Variants in FBXO25 observed in about 807,000 individuals in gnomAD.
FBXO25 encodes the protein F-box only protein 25.
A neutral mutation model predicts 51.9 loss-of-function variants in FBXO25; 45 were observed. The ratio of observed to expected loss-of-function variants is 0.87; its 90% CI spans 0.68 to 1.11. FBXO25 has a LOEUF of 1.11. Among genes scored for constraint, FBXO25 ranks in the 50% most tolerant of loss-of-function variants. The pLI, the probability that FBXO25 is intolerant of heterozygous loss-of-function variation, is 0.00. For synonymous variants in FBXO25, 199 were observed against 151.0 expected (o/e 1.32, Z -2.33); for missense variants, 507 against 428.5 (o/e 1.18, Z -1.62).
At chr8:436,580 C>T (rs927928917) in intron 5 of FBXO25, among the ~76,000 whole-genome samples, 9 of 152,172 alleles carry the variant, frequency 5.9e-5, no homozygotes, top group African/African-American at 1.9e-4. Flanking sequence ...GCCCAGCCAC[C>T]ACATGCAGGC....
At chr8:418,740 C>G (rs1362261160) in intron 2 of FBXO25, among the ~76,000 whole-genome samples, 1 of 152,150 alleles carries the variant, frequency 6.6e-6, no homozygotes, top group East Asian at 1.9e-4. Flanking sequence ...ATTTACAAAA[C>G]ACTAGGATGC....
chr8:473,841 T>TAATC lies in FBXO25; in HGVS notation c.*5039_*5042dup, dbSNP rs1800561348. 1 of 152,256 alleles carries TAATC rather than the reference T, an allele frequency of 6.6e-6. No homozygotes were observed. 9.4% of individuals were successfully genotyped at this position (152,256 alleles called of 1,614,324 possible). The stretch of plus-strand genomic sequence containing the variant: ...GCATGGAAATTTCATTTTTATTTGA[T>TAATC]AATCATTTGAGAAACTTGCACAGAT... On this transcript the variant is annotated 3_prime_UTR_variant, in exon 10 of 10. Coordinates refer to ENST00000350302, the MANE Select transcript of FBXO25 (RefSeq NM_183420.2).
At chr8:426,061 CT>C (rs1431692736) in intron 2 of FBXO25, among the ~76,000 whole-genome samples, 5 of 152,168 alleles carry the variant, frequency 3.3e-5, no homozygotes, top group African/African-American at 1.2e-4. Flanking sequence ...GGTGGTTGTT[CT>C]TTGTCTGCAT....
chr8:446,254 C>G (rs1798730402), intron 5 of FBXO25, among the ~76,000 whole-genome samples: 2 of 152,226 alleles, frequency 1.3e-5, no homozygotes, highest in South Asian at 2.1e-4. Flanking sequence ...TGGTAGAACT[C>G]TCTCTCCCAG....
At chr8:425,142 A>C (rs1282159597) in intron 2 of FBXO25, among the ~76,000 whole-genome samples, 1 of 147,634 alleles carries the variant, frequency 6.8e-6, no homozygotes, top group Non-Finnish European at 1.5e-5. Context: ...CGCCCCCCAC[A>C]TGTCCCATTT....
At chr8:453,474 A>C (rs1464172171) in intron 7 of FBXO25, among the ~76,000 whole-genome samples, 1 of 152,090 alleles carries the variant, frequency 6.6e-6, no homozygotes, top group African/African-American at 2.4e-5. Context: ...CTTTCTGGGA[A>C]TGTTACTTGA....
intron 9 of FBXO25, chr8:467,965 GC>G: frequency 7.2e-7 from 1 of 1,393,088 alleles, no homozygotes; most frequent in South Asian, 1.5e-5. Flanking sequence ...ACACCTGAGT[GC>G]TGAGGGAGGC....
At chr8:440,772 G>A (rs938615487) in intron 5 of FBXO25, among the ~76,000 whole-genome samples, 2 of 149,648 alleles carry the variant, frequency 1.3e-5, no homozygotes, top group African/African-American at 4.9e-5. Flanking sequence ...GGTGTGTGAT[G>A]TTCCCCTCCC....
chr8:441,777 A>G (rs914083557), intron 5 of FBXO25, among the ~76,000 whole-genome samples: 1 of 152,262 alleles, frequency 6.6e-6, no homozygotes. Context: ...ATCTCTGGTC[A>G]TTAGAGAAAT....
intron 7 of FBXO25, among the ~76,000 whole-genome samples, chr8:453,851 G>A (rs7820093): frequency 0.12 from 18,560 of 151,882 alleles, 1,532 homozygotes; most frequent in African/African-American, 0.23. Flanking sequence ...GGCCGGGCGC[G>A]GTGGCCCACA....
rs1002393488 is a variant in FBXO25 at position 470,042 on chromosome 8, T to G, written c.*1238T>G. ...TTTTCATAAGACCATAAATGTCCCGTATACCACTGTTACTTCACAACGCCC... is the reference window on the plus strand; with the variant it reads ...TTTTCATAAGACCATAAATGTCCCGGATACCACTGTTACTTCACAACGCCC... On this transcript the variant is annotated 3_prime_UTR_variant, in exon 10 of 10. Transcript: ENST00000350302. 1 of 152,006 alleles carries G rather than the reference T, an allele frequency of 6.6e-6. No homozygotes were observed. Among genetic ancestry groups the G allele is most frequent in the African/African-American group, 2.4e-5 (1 of 41,304 alleles). 9.4% of individuals were successfully genotyped at this position (152,006 alleles called of 1,614,324 possible).
chr8:457,393 T>G (rs1200166701), intron 7 of FBXO25, among the ~76,000 whole-genome samples: 1 of 152,210 alleles, frequency 6.6e-6, no homozygotes. Flanking sequence ...AGCCCACTTC[T>G]TGGGGCCAAG....
chr8:407,829 C>G (rs1796256240), intron 1 of FBXO25, among the ~76,000 whole-genome samples: 1 of 152,122 alleles, frequency 6.6e-6, no homozygotes, highest in Non-Finnish European at 1.5e-5. Flanking sequence ...GCAGCAGACA[C>G]TAATTTTGCA....
At chr8:422,378 C>A (rs1250995375) in intron 2 of FBXO25, among the ~76,000 whole-genome samples, 1 of 152,142 alleles carries the variant, frequency 6.6e-6, no homozygotes, top group African/African-American at 2.4e-5. Context: ...AATAATTGAC[C>A]GGTACTCTTC....
intron 2 of FBXO25, among the ~76,000 whole-genome samples, chr8:418,713 GAAGAT>G (rs1413074607): frequency 6.6e-6 from 1 of 152,102 alleles, no homozygotes; most frequent in Non-Finnish European, 1.5e-5. Context: ...AAAAAACTAA[GAAGAT>G]AAGAATAGTT....
At chr8:441,505 A>G (rs1029806085) in intron 5 of FBXO25, among the ~76,000 whole-genome samples, 2 of 152,246 alleles carry the variant, frequency 1.3e-5, no homozygotes, top group Admixed American at 6.5e-5. Flanking sequence ...ACAAAAGCCA[A>G]AATTGACAAA....
In FBXO25 at chr8:469,851, A is replaced by C. The variant is rs1307189460; in HGVS notation, c.*1047A>C. 6.6e-6 allele frequency: 1 copy of C among 152,170 alleles called. No homozygotes were observed. The highest frequency in any genetic ancestry group is 6.5e-5 in the Admixed American group (1 of 15,278). 9.4% of individuals were successfully genotyped at this position (152,170 alleles called of 1,614,324 possible). Reference sequence around the variant, plus strand: ...ACTTTTTCCTTTAAGCATAATAATAAAAGTATACTTTTATGGCGTTATAAA... The same window carrying C: ...ACTTTTTCCTTTAAGCATAATAATACAAGTATACTTTTATGGCGTTATAAA... On this transcript the variant is annotated 3_prime_UTR_variant, in exon 10 of 10. Transcript: ENST00000350302.
chr8:477,004 C>G lies in FBXO25; in HGVS notation c.*8200C>G, dbSNP rs1349796640. The G allele has an allele frequency of 6.7e-6, 1 of 148,916 alleles. No individual in the cohort carries two copies. Among genetic ancestry groups the G allele is most frequent in the Non-Finnish European group, 1.5e-5 (1 of 67,488 alleles). The allele number at this position is 148,916 out of a possible 1,614,324, so 9.2% of individuals were successfully genotyped here. On this transcript the variant is annotated 3_prime_UTR_variant, in exon 10 of 10. Coordinates refer to ENST00000350302, the MANE Select transcript of FBXO25 (RefSeq NM_183420.2). ...TTTTGTATATTACATTTTTCATTTA[C>G]CACAAGATATTTTCTAATTTCCCTT...
rs192233096 is a variant in FBXO25 at position 456,489 on chromosome 8, T to C, written c.661-1880T>C. On this transcript the variant is annotated intron_variant, in intron 7 of 9. Coordinates refer to ENST00000350302, the MANE Select transcript of FBXO25 (RefSeq NM_183420.2). ...TGAGCAAAGACGTTTACTGAGAGCC[T>C]GCGGGGACCATGCTGGCTGCTGGGG... Among the ~76,000 whole-genome samples, 516 of 152,332 alleles carry C rather than the reference T, an allele frequency of 3.4e-3. 9 individuals are homozygous for C. Among genetic ancestry groups the C allele is most frequent in the Admixed American group, 0.022 (340 of 15,298 alleles).
Sources: allele counts gnomAD v4.1 joint callset (sites outside exome capture counted in the v4.1 genomes callset), GRCh38; gene constraint gnomAD v4.1.1; transcripts MANE v1.5; gene names NCBI Gene and HGNC (gene_info 2026-07-23, HGNC 2026-07-21).